TAFA2: variants seen among roughly 807,000 people sequenced by gnomAD.
TAFA2 encodes chemokine-like protein TAFA-2.
In TAFA2, 7 loss-of-function variants were observed where a neutral mutation model predicts 18.8. The ratio of observed to expected loss-of-function variants is 0.37; its 90% CI spans 0.21 to 0.70. The LOEUF (loss-of-function observed/expected upper bound fraction) is 0.70, where lower values mean the gene tolerates loss of function less well. Among genes scored for constraint, TAFA2 ranks in the 30% least tolerant of loss-of-function variants. The probability of loss-of-function intolerance (pLI) is 0.53; values close to 1 mark genes in which losing one functional copy is unlikely to be tolerated. For synonymous variants in TAFA2, 60 were observed against 54.2 expected (o/e 1.11, Z -0.47); for missense variants, 122 against 158.1 (o/e 0.77, Z 1.23).
chr12:62,190,553 T>C (rs1289941496), intron 1 of TAFA2, among the ~76,000 whole-genome samples: 1 of 152,196 alleles, frequency 6.6e-6, no homozygotes, highest in Non-Finnish European at 1.5e-5. Context: ...TTCTGAACGC[T>C]GTTCGTTAAG....
At chr12:61,743,407 T>C (rs939073963) in intron 4 of TAFA2, among the ~76,000 whole-genome samples, 3 of 152,110 alleles carry the variant, frequency 2.0e-5, no homozygotes, top group African/African-American at 7.2e-5. Context: ...AGAACAAATC[T>C]ACATTTTTTT....
At chr12:61,920,984 G>T (rs1400404449) in intron 1 of TAFA2, among the ~76,000 whole-genome samples, 2 of 152,110 alleles carry the variant, frequency 1.3e-5, no homozygotes, top group Non-Finnish European at 2.9e-5. Context: ...CACTGAAAAC[G>T]CCAAGAGGTT....
At chr12:62,239,131 CAG>C (rs1404789331) in intron 1 of TAFA2, among the ~76,000 whole-genome samples, 1 of 152,160 alleles carries the variant, frequency 6.6e-6, no homozygotes, top group Non-Finnish European at 1.5e-5. Flanking sequence ...TTTCTACCTC[CAG>C]AGTTTTCTCC....
At chr12:62,172,849 C>T (rs910137907) in intron 1 of TAFA2, among the ~76,000 whole-genome samples, 11 of 152,154 alleles carry the variant, frequency 7.2e-5, no homozygotes, top group African/African-American at 2.7e-4. Context: ...TGAAGCAATG[C>T]TTTGCCTTTA....
intron 1 of TAFA2, among the ~76,000 whole-genome samples, chr12:61,985,559 T>G (rs1879783489): frequency 6.6e-6 from 1 of 152,190 alleles, no homozygotes; most frequent in Non-Finnish European, 1.5e-5. Flanking sequence ...TACTTGTGAG[T>G]CACACTCTCC....
At chr12:61,879,485 G>A in intron 1 of TAFA2, 1 of 691,486 alleles carries the variant, frequency 1.4e-6, no homozygotes. Flanking sequence ...GGCTTTGGCG[G>A]GGCCAGCGGT....
intron 1 of TAFA2, among the ~76,000 whole-genome samples, chr12:62,111,241 T>C (rs891893488): frequency 2.0e-5 from 3 of 152,242 alleles, no homozygotes; most frequent in African/African-American, 4.8e-5. Flanking sequence ...AATTTTGTTA[T>C]TTACCCAGTA....
At chr12:61,711,573 C>A (rs1270450094) in intron 4 of TAFA2, among the ~76,000 whole-genome samples, 1 of 151,968 alleles carries the variant, frequency 6.6e-6, no homozygotes, top group Non-Finnish European at 1.5e-5. Flanking sequence ...GTTTTCTGAT[C>A]AATTATGTAA....
At chr12:61,970,454 A>G (rs1382558238) in intron 1 of TAFA2, among the ~76,000 whole-genome samples, 1 of 151,702 alleles carries the variant, frequency 6.6e-6, no homozygotes, top group African/African-American at 2.4e-5. Context: ...TGTAAAGGAT[A>G]AGCAAGACTT....
At chr12:62,065,607 A>C (rs1882464030) in intron 1 of TAFA2, among the ~76,000 whole-genome samples, 2 of 152,014 alleles carry the variant, frequency 1.3e-5, no homozygotes, top group African/African-American at 4.8e-5. Flanking sequence ...TATTCTTAGC[A>C]TGTGTTCATA....
intron 1 of TAFA2, among the ~76,000 whole-genome samples, chr12:61,960,347 T>C (rs1462840566): frequency 6.6e-6 from 1 of 152,036 alleles, no homozygotes. Flanking sequence ...CAATAACCCA[T>C]TACATTGTAT....
At chr12:62,195,496 C>A (rs1298797313), upstream of TAFA2, among the ~76,000 whole-genome samples, 1 of 152,134 alleles carries the variant, frequency 6.6e-6, no homozygotes, top group Non-Finnish European at 1.5e-5. Flanking sequence ...AATAAGAAGA[C>A]TTGAAAGGCA....
At chr12:61,900,150 C>T (rs1876035036) in intron 1 of TAFA2, among the ~76,000 whole-genome samples, 1 of 152,122 alleles carries the variant, frequency 6.6e-6, no homozygotes, top group Non-Finnish European at 1.5e-5. Context: ...CCATTGTGAA[C>T]AATACAACTA....
intron 1 of TAFA2, among the ~76,000 whole-genome samples, chr12:62,230,884 C>T (rs182698812): frequency 1.2e-4 from 19 of 152,302 alleles, no homozygotes; most frequent in African/African-American, 1.4e-4. Context: ...CTATGTTACA[C>T]AGGCTGGTCT....
chr12:61,927,118 C>T (rs533895974), intron 1 of TAFA2, among the ~76,000 whole-genome samples: 11 of 151,028 alleles, frequency 7.3e-5, no homozygotes, highest in Non-Finnish European at 1.5e-4. Flanking sequence ...CAAGGATGCC[C>T]TCTTTCACCA....
chr12:62,108,141 C>T (rs1869546753), intron 1 of TAFA2, among the ~76,000 whole-genome samples: 1 of 152,128 alleles, frequency 6.6e-6, no homozygotes, highest in East Asian at 1.9e-4. Flanking sequence ...TCCTCTAGTC[C>T]CCCACCCCCC....
chr12:61,826,136 A>G (rs1565647298), intron 2 of TAFA2, among the ~76,000 whole-genome samples: 1 of 152,086 alleles, frequency 6.6e-6, no homozygotes, highest in Non-Finnish European at 1.5e-5. Context: ...GATGAGTGTG[A>G]GCTGCCAACA....
intron 1 of TAFA2, among the ~76,000 whole-genome samples, chr12:62,002,373 G>A (rs566022046): frequency 3.1e-4 from 47 of 152,092 alleles, no homozygotes; most frequent in African/African-American, 1.0e-3. Context: ...CTGGCTCCCC[G>A]CTGAGCACCC....
At chr12:62,205,000 T>A (rs1248084590) in intron 1 of TAFA2, among the ~76,000 whole-genome samples, 1 of 152,230 alleles carries the variant, frequency 6.6e-6, no homozygotes, top group East Asian at 1.9e-4. Context: ...CACCTTTGGA[T>A]GGGTTTTTAT....
Sources: allele counts gnomAD v4.1 joint callset (sites outside exome capture counted in the v4.1 genomes callset), GRCh38; gene constraint gnomAD v4.1.1; transcripts MANE v1.5; gene names NCBI Gene and HGNC (gene_info 2026-07-23, HGNC 2026-07-21).